The following KAZN variants were observed in gnomAD, a reference collection of about 807,000 sequenced individuals.
KAZN encodes kazrin, periplakin interacting protein, also known as kazrin.
Under a neutral mutation model 87.4 loss-of-function variants are expected in KAZN, and 40 were observed. The observed-to-expected ratio is 0.46, with a 90% CI of 0.36 to 0.60. The LOEUF (loss-of-function observed/expected upper bound fraction) is 0.60. KAZN is among the 20% of genes least tolerant of loss of function. KAZN has a pLI of 0.00. For missense variants in KAZN, 898 were observed against 1,073.9 expected (o/e 0.84, Z 2.29); for synonymous variants, 466 against 458.3 (o/e 1.02, Z -0.22).
At chr1:14,522,461 T>A (rs1378550788) in intron 2 of KAZN, among the ~76,000 whole-genome samples, 1 of 152,160 alleles carries the variant, frequency 6.6e-6, no homozygotes, top group African/African-American at 2.4e-5. Context: ...ACAATTACAG[T>A]TATCAAGGAG....
At chr1:14,009,014 A>G (rs1640163722) in intron 1 of KAZN, among the ~76,000 whole-genome samples, 1 of 152,142 alleles carries the variant, frequency 6.6e-6, no homozygotes, top group Non-Finnish European at 1.5e-5. Flanking sequence ...TTCTGTCTCT[A>G]TGATTTTGGC....
chr1:15,082,820 G>A (rs777818562), intron 8 of KAZN, among the ~76,000 whole-genome samples: 1 of 152,242 alleles, frequency 6.6e-6, no homozygotes, highest in East Asian at 1.9e-4. Flanking sequence ...AGCCTCTCAA[G>A]TAGCTGGGAT....
chr1:14,064,375 G>A (rs142138711), intron 1 of KAZN, among the ~76,000 whole-genome samples: 199 of 152,234 alleles, frequency 1.3e-3, no homozygotes, highest in African/African-American at 4.5e-3. Flanking sequence ...GAAAAGGCAC[G>A]GTCAACCGGT....
At chr1:14,458,411 A>G (rs1667683760) in intron 2 of KAZN, among the ~76,000 whole-genome samples, 1 of 152,052 alleles carries the variant, frequency 6.6e-6, no homozygotes, top group Non-Finnish European at 1.5e-5. Context: ...TCGCAGTTTT[A>G]TTTTTTCCCT....
At chr1:15,035,537 A>C (rs1297921559) in intron 3 of KAZN, among the ~76,000 whole-genome samples, 1 of 152,178 alleles carries the variant, frequency 6.6e-6, no homozygotes, top group Non-Finnish European at 1.5e-5. Flanking sequence ...CAAAGAGGAC[A>C]CCAAAACTTA....
intron 2 of KAZN, among the ~76,000 whole-genome samples, chr1:15,025,851 A>G (rs1234510462): frequency 2.0e-5 from 3 of 152,216 alleles, no homozygotes; most frequent in Non-Finnish European, 4.4e-5. Flanking sequence ...GACTGGGCGC[A>G]GTGGCTCAGG....
At chr1:14,407,955 T>A (rs1222342791) in intron 2 of KAZN, among the ~76,000 whole-genome samples, 5 of 152,222 alleles carry the variant, frequency 3.3e-5, no homozygotes, top group African/African-American at 1.2e-4. Flanking sequence ...ATGCTACTTT[T>A]ATTTACTCAC....
chr1:14,974,620 G>A (rs1665415792), intron 2 of KAZN, among the ~76,000 whole-genome samples: 1 of 152,168 alleles, frequency 6.6e-6, no homozygotes. Context: ...ATTGTACAAT[G>A]GAATCCTACT....
At chr1:14,872,338 TA>T (rs1652235824) in intron 1 of KAZN, among the ~76,000 whole-genome samples, 1 of 152,234 alleles carries the variant, frequency 6.6e-6, no homozygotes, top group Non-Finnish European at 1.5e-5. Flanking sequence ...ATGTGGATAT[TA>T]AGCAATTAAC....
At chr1:14,896,081 A>G (rs995293290) in intron 1 of KAZN, among the ~76,000 whole-genome samples, 1 of 140,400 alleles carries the variant, frequency 7.1e-6, no homozygotes, top group Non-Finnish European at 1.5e-5. Context: ...TTGGACACAG[A>G]TTCTTGCTCT....
chr1:14,831,165 TCTTGTTTTTGCTCATGCCCATTCC>T (rs1462591863), intron 1 of KAZN, among the ~76,000 whole-genome samples: 1 of 152,198 alleles, frequency 6.6e-6, no homozygotes, highest in Non-Finnish European at 1.5e-5. Context: ...TGCCCAATTC[TCTTGTTTTTGCTCATGCCCATTCC>T]CTTGTTTTTG....
intron 1 of KAZN, among the ~76,000 whole-genome samples, chr1:14,620,112 A>G (rs763945769): frequency 6.6e-6 from 1 of 152,214 alleles, no homozygotes; most frequent in Non-Finnish European, 1.5e-5. Context: ...CCATCTGTAC[A>G]ATGGTAGGAT....
At chr1:14,114,330 C>T (rs998054171) in intron 1 of KAZN, among the ~76,000 whole-genome samples, 1 of 152,118 alleles carries the variant, frequency 6.6e-6, no homozygotes, top group African/African-American at 2.4e-5. Flanking sequence ...GACTTTGATG[C>T]TCCCCATGGC....
intron 2 of KAZN, among the ~76,000 whole-genome samples, chr1:14,219,371 G>A (rs1038426849): frequency 2.0e-5 from 3 of 152,242 alleles, no homozygotes; most frequent in African/African-American, 7.2e-5. Flanking sequence ...GTTACAAAGT[G>A]TTGACCTTAT....
At chr1:14,096,984 A>C (rs1644143184) in intron 1 of KAZN, among the ~76,000 whole-genome samples, 4 of 152,204 alleles carry the variant, frequency 2.6e-5, no homozygotes, top group Admixed American at 2.6e-4. Flanking sequence ...GTTAAGGTGG[A>C]GCCTAGGAAT....
At chr1:14,155,611 T>C (rs1645575205) in intron 1 of KAZN, among the ~76,000 whole-genome samples, 1 of 152,128 alleles carries the variant, frequency 6.6e-6, no homozygotes, top group South Asian at 2.1e-4. Context: ...TTCTTTAAGA[T>C]GCACTGTTAA....
At chr1:15,103,561 C>A (rs1641172413) in intron 12 of KAZN, 101 bp downstream of exon 12, 3 of 796,584 alleles carry the variant, frequency 3.8e-6, no homozygotes, top group Non-Finnish European at 6.5e-6. Context: ...AATCAATATG[C>A]AGATCTCATG....
At chr1:14,041,796 G>C (rs1266241706) in intron 1 of KAZN, among the ~76,000 whole-genome samples, 1 of 152,192 alleles carries the variant, frequency 6.6e-6, no homozygotes, top group Non-Finnish European at 1.5e-5. Context: ...CTTCTTGTAT[G>C]ACTTTGCATG....
At chr1:15,048,830 GGGTC>G (rs1557755023) in intron 4 of KAZN, among the ~76,000 whole-genome samples, 1 of 148,786 alleles carries the variant, frequency 6.7e-6, no homozygotes, top group Non-Finnish European at 1.5e-5. Flanking sequence ...TGTTGGTGCT[GGGTC>G]GTTGGTCCTG....
Sources: allele counts gnomAD v4.1 joint callset (sites outside exome capture counted in the v4.1 genomes callset), GRCh38; gene constraint gnomAD v4.1.1; transcripts MANE v1.5; gene names NCBI Gene and HGNC (gene_info 2026-07-23, HGNC 2026-07-21).